The following FBN3 variants were observed in gnomAD, a reference collection of about 807,000 sequenced individuals.
The protein encoded by FBN3 is fibrillin-3.
FBN3 carries 234 observed loss-of-function variants against 330.1 expected under a neutral mutation model. The ratio of observed to expected loss-of-function variants is 0.71; its 90% confidence interval spans 0.64 to 0.79. The LOEUF (loss-of-function observed/expected upper bound fraction) is 0.79, where lower values mean the gene tolerates loss of function less well. Ranked by LOEUF, FBN3 falls within the 30% of genes least tolerant of loss-of-function variation. The pLI, the probability that FBN3 is intolerant of heterozygous loss-of-function variation, is 0.00. For missense variants in FBN3, 3,606 were observed against 3,886.9 expected, an observed-to-expected ratio of 0.93 and a Z score of 1.92; for synonymous variants, 1,458 against 1,517.3, an observed-to-expected ratio of 0.96 and a Z score of 0.91.
chr19:8,071,919 G>A (rs2081521321), intron 63 of FBN3, 129 bp downstream of exon 63: 3 of 927,936 alleles, frequency 3.2e-6, no homozygotes, highest in African/African-American at 1.7e-5. Context: ...ATGACATGGG[G>A]AACCTGTTGG....
chr19:8,109,476 A>G lies in FBN3; in HGVS notation c.4457-88T>C, dbSNP rs575179385. ...ATGCATGTGTCTATTTCAACAGGTG[A>G]CAAGGACAACCACTCTTGCAGGAGA... On this transcript the variant is annotated intron_variant, in intron 35 of 63. Coordinates refer to ENST00000600128, the MANE Select transcript of FBN3 (RefSeq NM_032447.5). This position sits in a 1 kb window ranked among gnomAD's most constrained non-coding sequence, Gnocchi z 5.2. 1 of 1,548,078 alleles carries G rather than the reference A, an allele frequency of 6.5e-7. No individual in the cohort carries two copies. The highest frequency in any genetic ancestry group is 2.3e-5 in the East Asian group (1 of 44,352).
chr19:8,084,638 G>A (rs2081892717), intron 56 of FBN3, among the ~76,000 whole-genome samples: 1 of 152,078 alleles, frequency 6.6e-6, no homozygotes, highest in Non-Finnish European at 1.5e-5. Context: ...CCAGGCTGGA[G>A]TGCAATGGCG....
chr19:8,148,007 C>T (rs190463160), intron 1 of FBN3, among the ~76,000 whole-genome samples: 59 of 152,050 alleles, frequency 3.9e-4, no homozygotes, highest in Non-Finnish European at 7.7e-4. Context: ...AGGCTCATGT[C>T]GTGGGAGGTG....
rs749901675 is a variant in FBN3 at position 8,087,115 on chromosome 19, C to T, written c.6716G>A (p.Gly2239Asp). The change falls in exon 54 of 64, where the codon GGC (glycine) becomes GAC (aspartate). Residue 2239 changes from glycine (G) to aspartate (D), a missense_variant. Transcript: ENST00000600128. ...CCCAGAGCCAGGCAGGGGCCGCATG[C>T]CTGGGGGACAGACGCACGCGAAGGT... ...IGTFACVCPP[G>D]MRPLPGSGEG... The T allele has an allele frequency of 1.9e-6, 3 of 1,610,850 alleles. No individual in the cohort carries two copies. The highest frequency in any genetic ancestry group is 1.7e-6 in the Non-Finnish European group (2 of 1,179,570).
At chr19:8,083,552 C>G (rs1245881549) in intron 56 of FBN3, among the ~76,000 whole-genome samples, 180 bp from the exon 57 acceptor site, 1 of 152,096 alleles carries the variant, frequency 6.6e-6, no homozygotes, top group East Asian at 1.9e-4. Flanking sequence ...GACACCTGAG[C>G]CCGCAGGACA....
intron 30 of FBN3, among the ~76,000 whole-genome samples, chr19:8,114,254 A>AT (rs941669329): frequency 5.9e-5 from 9 of 151,284 alleles, no homozygotes; most frequent in African/African-American, 2.2e-4. Flanking sequence ...AATTAAAAAA[A>AT]AGTTTGTTTT....
intron 16 of FBN3, among the ~76,000 whole-genome samples, chr19:8,130,367 CG>C (rs2083095140): frequency 6.8e-6 from 1 of 147,738 alleles, no homozygotes. Context: ...AAAAATTAGC[CG>C]GGCATGGAGC....
At chr19:8,136,330 GC>G in intron 11 of FBN3, 21 bp from the exon 12 acceptor site, 1 of 1,604,060 alleles carries the variant, frequency 6.2e-7, no homozygotes, top group Non-Finnish European at 8.5e-7. Context: ...AGGACCCTGA[GC>G]CCTAGCACGA....
At chr19:8,135,936 G>GGGGGGCCCCCCCC in intron 13 of FBN3, 25 bp downstream of exon 13, 1 of 668,776 alleles carries the variant, frequency 1.5e-6, no homozygotes, top group African/African-American at 2.0e-5. Context: ...GGAAGCCCCT[G>GGGGGGCCCCCCCC]CCCACCCGCC....
Position 8,149,478 on chromosome 19 carries a change from C to A in FBN3, c.-47G>T, listed in dbSNP as rs1230649135. The A allele has an allele frequency of 6.6e-6, 1 of 151,890 alleles. No homozygotes were observed. The allele number at this position is 151,890 out of a possible 1,614,324, so 9.4% of individuals were successfully genotyped here. ...GAGGCGGCGCGCGTGGAGGCGGGCA[C>A]GGCAGGCGGACGCGCGGGACTCAGC... On this transcript the variant is annotated 5_prime_UTR_variant, in exon 1 of 64. Coordinates refer to ENST00000600128, the MANE Select transcript of FBN3 (RefSeq NM_032447.5). This position sits in a 1 kb window ranked among gnomAD's most constrained non-coding sequence, Gnocchi z 5.5.
chr19:8,135,936 G>GGGGGGGGGGGCCCCCC, intron 13 of FBN3, 25 bp downstream of exon 13: 3 of 668,744 alleles, frequency 4.5e-6, no homozygotes, highest in Non-Finnish European at 4.8e-6. Flanking sequence ...GGAAGCCCCT[G>GGGGGGGGGGGCCCCCC]CCCACCCGCC....
Position 8,131,047 on chromosome 19 carries a change from C to T in FBN3, c.2044+188G>A, listed in dbSNP as rs916562004. Among the ~76,000 whole-genome samples the T allele has an allele frequency of 4.6e-5, 7 of 152,112 alleles. No homozygotes were observed. The highest frequency in any genetic ancestry group is 2.1e-4 in the South Asian group (1 of 4,828). On this transcript the variant is annotated intron_variant, in intron 16 of 63. Transcript: ENST00000600128. The surrounding 1 kb of genome is among the most constrained non-coding windows in gnomAD (Gnocchi z 4.5). The stretch of plus-strand genomic sequence containing the variant: ...AGCCTCCAAGGGAACCAGCCCTGCC[C>T]GCACCTTGATCTCCGACCTCTGGCC...
At chr19:8,088,007 TC>T in intron 52 of FBN3, 52 bp downstream of exon 52, 1 of 1,613,852 alleles carries the variant, frequency 6.2e-7, no homozygotes, top group Non-Finnish European at 8.5e-7. Context: ...CTCCACTCCC[TC>T]CCCCAGGCAT....
In FBN3 at chr19:8,096,041, G is replaced by C. The variant is rs777375567; in HGVS notation, c.5579C>G (p.Thr1860Ser). 4 of 1,614,018 alleles carry C rather than the reference G, an allele frequency of 2.5e-6. No homozygotes were observed. The East Asian group carries it at 8.9e-5, about 36-fold the overall frequency. Residue 1860 changes from threonine (T) to serine (S), a missense_variant, in exon 45 of 64, where the codon ACC (threonine) becomes AGC (serine). By Grantham distance (58) the Thr-to-Ser change is moderately conservative. Transcript: ENST00000600128. This position sits in a 1 kb window ranked among gnomAD's most constrained non-coding sequence, Gnocchi z 4.6. ...ECDRQPCGNGTCKNIIGSYNC... is the reference protein window; with the variant it reads ...ECDRQPCGNGSCKNIIGSYNC... ...GTAGGAGCCAATGATGTTCTTGCAG[G>C]TCCCATTTCCACAAGGCTGCCGGTC...
At chr19:8,142,424 G>A (rs997299876) in intron 6 of FBN3, among the ~76,000 whole-genome samples, 1 of 152,042 alleles carries the variant, frequency 6.6e-6, no homozygotes, top group Non-Finnish European at 1.5e-5. Context: ...TGAACTGATG[G>A]GACTCCTTCC....
intron 36 of FBN3, among the ~76,000 whole-genome samples, chr19:8,108,884 A>G (rs889878600): frequency 2.0e-5 from 3 of 152,178 alleles, no homozygotes; most frequent in Non-Finnish European, 4.4e-5. Flanking sequence ...CTGTTGATTT[A>G]AGGGTGAGGG....
At chr19:8,072,230 C>T in intron 62 of FBN3, 32 bp from the exon 63 acceptor site, 1 of 1,497,948 alleles carries the variant, frequency 6.7e-7, no homozygotes, top group Non-Finnish European at 8.9e-7. Flanking sequence ...GGAGGGGTTT[C>T]AGAGGCGGGC....
intron 61 of FBN3, 111 bp from the exon 62 acceptor site, chr19:8,073,408 T>C: frequency 1.2e-6 from 1 of 848,290 alleles, no homozygotes; most frequent in Non-Finnish European, 1.8e-6. Context: ...CCAAGTCCAA[T>C]GCCAAACTCT....
Position 8,111,104 on chromosome 19 carries a change from T to C in FBN3, c.4164A>G (p.Glu1388=). 1 of 1,613,598 alleles carries C rather than the reference T, an allele frequency of 6.2e-7. No homozygotes were observed. The highest frequency in any genetic ancestry group is 1.1e-5 in the South Asian group (1 of 91,036). ...CGGTGGGGTCAAAGCCCATCTCACA[T>C]TCACAGCGGTACCCGCCGGGCGCAT... ...CLNAPGGYRC[E]CEMGFDPTED... is the part of the protein sequence containing the mutation. The change falls in exon 33 of 64, where the codon GAA becomes GAG. Residue 1388 remains glutamate (E), a synonymous_variant. Transcript: ENST00000600128.
Sources: allele counts gnomAD v4.1 joint callset (sites outside exome capture counted in the v4.1 genomes callset), GRCh38; gene constraint gnomAD v4.1.1; non-coding constraint Gnocchi (gnomAD v3.1); transcripts MANE v1.5; gene names NCBI Gene and HGNC (gene_info 2026-07-23, HGNC 2026-07-21).